The following CYP1B1 variants were observed in gnomAD, a reference collection of about 807,000 sequenced individuals.
CYP1B1 encodes the protein cytochrome P450 family 1 subfamily B member 1.
A neutral mutation model predicts 29.9 loss-of-function variants in CYP1B1; 22 were observed. The observed-to-expected ratio is 0.74, with a 90% CI of 0.53 to 1.05. CYP1B1 has a LOEUF of 1.05. Among genes scored for constraint, CYP1B1 ranks in the 50% least tolerant of loss-of-function variants. CYP1B1 has a pLI of 0.00. For synonymous variants in CYP1B1, 375 were observed against 320.0 expected (o/e 1.17, Z -1.83); for missense variants, 883 against 746.9 (o/e 1.18, Z -2.12).
Position 38,071,105 on chromosome 2 carries a change from C to T in CYP1B1, c.1249G>A (p.Asp417Asn). ...CACTGGTTGACAAAAACCACAGTGTCCTTGGGAATGTGGTAGCCCAAGACA... is the reference window on the plus strand; with the variant it reads ...CACTGGTTGACAAAAACCACAGTGTTCTTGGGAATGTGGTAGCCCAAGACA... ...TSVLGYHIPK[D>N]TVVFVNQWSV... is the part of the protein sequence containing the mutation. The change falls in exon 3 of 3, where the codon GAC (aspartate) becomes AAC (asparagine). Residue 417 changes from aspartate to asparagine, a missense_variant. Asp to Asn is a conservative substitution (Grantham distance 23). Coordinates refer to ENST00000610745, the MANE Select transcript of CYP1B1 (RefSeq NM_000104.4). The T allele has an allele frequency of 6.2e-7, 1 of 1,613,190 alleles. No individual in the cohort carries two copies. Among genetic ancestry groups the T allele is most frequent in the Non-Finnish European group, 8.5e-7 (1 of 1,179,180 alleles).
In CYP1B1 at chr2:38,069,779, A is replaced by G. The variant is rs1682390613; in HGVS notation, c.*943T>C. ...CATATATTATTCAACCTTTTCCTGA[A>G]CAAGATAATACTAATATACTGCTTA... On this transcript the variant is annotated 3_prime_UTR_variant, in exon 3 of 3. Transcript: ENST00000610745. The G allele has an allele frequency of 5.1e-6, 1 of 196,866 alleles. No individual in the cohort carries two copies. The highest frequency in any genetic ancestry group is 2.3e-5 in the African/African-American group (1 of 43,494). The allele number at this position is 196,866 out of a possible 1,614,324, so 12.2% of individuals were successfully genotyped here. A position where few individuals can be genotyped will look rare whatever the true frequency, so the allele number is the denominator to read the frequency against.
chr2:38,071,801 T>C (rs889729350), intron 2 of CYP1B1, among the ~76,000 whole-genome samples: 11 of 152,200 alleles, frequency 7.2e-5, no homozygotes, highest in African/African-American at 2.4e-4. Flanking sequence ...TCATGAAATT[T>C]AATTTTTAAT....
chr2:38,075,218 C>G lies in CYP1B1; in HGVS notation c.171G>C (p.Trp57Cys), dbSNP rs72549387. ...LRSAPPGPFA[W>C]PLIGNAAAVG... is the part of the protein sequence containing the mutation. ...CCGCCGCCGCGTTTCCGATCAGTGGCCACGCAAACGGGCCCGGGGGCGCGG... is the reference window on the plus strand; with the variant it reads ...CCGCCGCCGCGTTTCCGATCAGTGGGCACGCAAACGGGCCCGGGGGCGCGG... The change falls in exon 2 of 3, where the codon TGG becomes TGC. Residue 57 changes from tryptophan to cysteine, a missense_variant. By Grantham distance (215) the Trp-to-Cys change is radical (BLOSUM62 -2). Coordinates refer to ENST00000610745, the MANE Select transcript of CYP1B1 (RefSeq NM_000104.4). 1 of 1,582,722 alleles carries G rather than the reference C, an allele frequency of 6.3e-7. No individual in the cohort carries two copies. The highest frequency in any genetic ancestry group is 1.3e-5 in the African/African-American group (1 of 74,690).
Position 38,074,931 on chromosome 2 carries a change from C to A in CYP1B1, c.458G>T (p.Arg153Leu). The stretch of plus-strand genomic sequence containing the variant: ...GCGCGGCTGGCGCGTGAAGAAGTTG[C>A]GCATCATGCTGTGGGCTGCGCGCCG... ...VQRRAAHSMM[R>L]NFFTRQPRSR... Residue 153 changes from arginine to leucine, a missense_variant, in exon 2 of 3, where the codon CGC (arginine) becomes CTC (leucine). Transcript: ENST00000610745. 1 of 1,563,034 alleles carries A rather than the reference C, an allele frequency of 6.4e-7. No homozygotes were observed. The highest frequency in any genetic ancestry group is 8.6e-7 in the Non-Finnish European group (1 of 1,160,890).
intron 2 of CYP1B1, among the ~76,000 whole-genome samples, chr2:38,073,105 T>G (rs1008219455): frequency 6.6e-6 from 1 of 152,228 alleles, no homozygotes; most frequent in African/African-American, 2.4e-5. Context: ...TGGTTGACTT[T>G]TCTTTATTCG....
At chr2:38,073,466 G>T (rs534822593) in intron 2 of CYP1B1, 1 of 152,180 alleles carries the variant, frequency 6.6e-6, no homozygotes, top group African/African-American at 2.4e-5. Flanking sequence ...ATGGATTTCA[G>T]ATCAACAAGG....
At position 38,068,127 on chromosome 2, in the gene CYP1B1, G is replaced by A. The variant is rs1682347677; in HGVS notation, c.*2595C>T. 4.8e-6 allele frequency: 1 copy of A among 206,754 alleles called. No homozygotes were observed. The highest frequency in any genetic ancestry group is 2.3e-5 in the African/African-American group (1 of 43,834). 12.8% of individuals were successfully genotyped at this position (206,754 alleles called of 1,614,324 possible). Reference sequence around the variant, plus strand: ...CATTTAATAAACATTATACTTTATTGCAATAACCTGGAGTAAAACTTCTGA... The same window carrying A: ...CATTTAATAAACATTATACTTTATTACAATAACCTGGAGTAAAACTTCTGA... On this transcript the variant is annotated 3_prime_UTR_variant, in exon 3 of 3. Coordinates refer to ENST00000610745, the MANE Select transcript of CYP1B1 (RefSeq NM_000104.4).
Position 38,071,238 on chromosome 2 carries a change from C to T in CYP1B1, c.1116G>A (p.Met372Ile), listed in dbSNP as rs1212636220. The change falls in exon 3 of 3, where the codon ATG becomes ATA. Residue 372 changes from methionine (M) to isoleucine (I), a missense_variant. Transcript: ENST00000610745. ...CATAGGGCAGGTTGGGCTGGTCACC[C>T]ATACAAGGCAGACGGTCCCTCCCCA... is the stretch of plus-strand genomic sequence containing the variant. ...QVVGRDRLPCMGDQPNLPYVL... is the reference protein window; with the variant it reads ...QVVGRDRLPCIGDQPNLPYVL... The T allele has an allele frequency of 6.8e-6, 11 of 1,613,146 alleles. No individual in the cohort carries two copies. The highest frequency in any genetic ancestry group is 9.3e-6 in the Non-Finnish European group (11 of 1,180,034).
chr2:38,074,082 T>G, intron 2 of CYP1B1: 1 of 574,818 alleles, frequency 1.7e-6, no homozygotes, highest in South Asian at 2.2e-5. Flanking sequence ...TCTTTGCAAA[T>G]GTGTTCTCAC....
At position 38,074,985 on chromosome 2, in the gene CYP1B1, C is replaced by A; in HGVS notation, c.404G>T (p.Gly135Val). 6 of 1,587,836 alleles carry A rather than the reference C, an allele frequency of 3.8e-6. No individual in the cohort carries two copies. Among genetic ancestry groups the A allele is most frequent in the Non-Finnish European group, 5.1e-6 (6 of 1,175,020 alleles). ...CACCTTCCAGTGCTCCGAGTAGTGG[C>A]CGAAAGCCATGCTGCGGCCGCCGGA... Reference protein sequence around the residue: ...VVSGGRSMAFGHYSEHWKVQR... With the variant: ...VVSGGRSMAFVHYSEHWKVQR... The change falls in exon 2 of 3, where the codon GGC becomes GTC. Residue 135 changes from glycine (G) to valine (V), a missense_variant. Physicochemically the swap from Gly to Val is moderately radical, Grantham distance 109. Coordinates refer to ENST00000610745, the MANE Select transcript of CYP1B1 (RefSeq NM_000104.4).
At position 38,070,987 on chromosome 2, in the gene CYP1B1, A is replaced by T. The variant is rs1358698724; in HGVS notation, c.1367T>A (p.Leu456Gln). Residue 456 changes from leucine (L) to glutamine (Q), a missense_variant, in exon 3 of 3, where the codon CTG becomes CAG. Coordinates refer to ENST00000610745, the MANE Select transcript of CYP1B1 (RefSeq NM_000104.4). ...LDKDGLINKD[L>Q]TSRVMIFSVG... ...TGAAAAAATCATCACTCTGCTGGTC[A>T]GGTCCTTGTTGATGAGGCCATCCTT... The T allele has an allele frequency of 6.2e-7, 1 of 1,614,052 alleles. No homozygotes were observed. Among genetic ancestry groups the T allele is most frequent in the Admixed American group, 1.7e-5 (1 of 59,992 alleles).
In CYP1B1 at chr2:38,075,072, G is replaced by T. The variant is rs779730090; in HGVS notation, c.317C>A (p.Ala106Asp). 17 of 1,583,566 alleles carry T rather than the reference G, an allele frequency of 1.1e-5. No homozygotes were observed. The highest frequency in any genetic ancestry group is 1.7e-5 in the Admixed American group (1 of 58,242). ...VLNGERAIHQ[A>D]LVQQGSAFAD... ...GAAGGCCGAGCCCTGCTGCACCAGGGCCTGGTGGATGGCGCGCTCGCCATT... is the reference window on the plus strand; with the variant it reads ...GAAGGCCGAGCCCTGCTGCACCAGGTCCTGGTGGATGGCGCGCTCGCCATT... Residue 106 changes from alanine (A) to aspartate (D), a missense_variant, in exon 2 of 3, where the codon GCC becomes GAC. Physicochemically the swap from Ala to Asp is moderately radical, Grantham distance 126. Coordinates refer to ENST00000610745, the MANE Select transcript of CYP1B1 (RefSeq NM_000104.4).
At chr2:38,072,256 T>C (rs1285061001) in intron 2 of CYP1B1, among the ~76,000 whole-genome samples, 1 of 152,156 alleles carries the variant, frequency 6.6e-6, no homozygotes, top group African/African-American at 2.4e-5. Flanking sequence ...GGCATGGTGG[T>C]ACACGCCTGT....
chr2:38,076,096 G>A lies in CYP1B1; in HGVS notation c.-318C>T, dbSNP rs1293594685. On this transcript the variant is annotated 5_prime_UTR_variant, in exon 1 of 3. Coordinates refer to ENST00000610745, the MANE Select transcript of CYP1B1 (RefSeq NM_000104.4). ...GAGTGGCGTCAATTCCCATGCCCTT[G>A]CGGCTCTCACAACTGGAGTCGCAGA... 1.3e-5 allele frequency: 2 copies of A among 153,090 alleles called. No individual in the cohort carries two copies. 9.5% of individuals were successfully genotyped at this position (153,090 alleles called of 1,614,324 possible).
intron 2 of CYP1B1, among the ~76,000 whole-genome samples, chr2:38,071,627 T>C (rs9341256): frequency 1.9e-3 from 293 of 152,298 alleles, no homozygotes; most frequent in Middle Eastern, 0.01. Flanking sequence ...GACTTTTCCA[T>C]TGGGTACCGC....
chr2:38,070,724 A>T lies in CYP1B1; in HGVS notation c.1630T>A (p.Ter544LysextTer9), dbSNP rs368552668. The part of the protein sequence containing the change: ...QNLQAKETCQ[*>K] ...AATTTCAGCTTGCCTCTTGCTTCTT[A>T]TTGGCAAGTTTCCTTGGCTTGTAAA... Residue 544 changes from the stop codon to lysine, a stop_lost, in exon 3 of 3, where the codon TAA becomes AAA. Transcript: ENST00000610745. 1.4e-5 allele frequency: 22 copies of T among 1,613,870 alleles called. No individual in the cohort carries two copies. Among genetic ancestry groups the T allele is most frequent in the Non-Finnish European group, 1.7e-5 (20 of 1,179,838 alleles).
At chr2:38,073,980 T>A (rs1682477404) in intron 2 of CYP1B1, 2 of 352,700 alleles carry the variant, frequency 5.7e-6, no homozygotes, top group Non-Finnish European at 5.3e-6. Flanking sequence ...TTCGGAACTA[T>A]TCCAGTTCTG....
rs548586507 is a variant in CYP1B1 at position 38,067,729 on chromosome 2, T to C, written c.*2993A>G. On this transcript the variant is annotated 3_prime_UTR_variant, in exon 3 of 3. Transcript: ENST00000610745. ...ACATATAAATGTTGTTTCCCCAGAATGTACTTTGTCTACAACTATGCACTG... is the reference window on the plus strand; with the variant it reads ...ACATATAAATGTTGTTTCCCCAGAACGTACTTTGTCTACAACTATGCACTG... 58 of 182,634 alleles carry C rather than the reference T, an allele frequency of 3.2e-4. No homozygotes were observed. The highest frequency in any genetic ancestry group is 6.3e-4 in the East Asian group (7 of 11,192). The allele number at this position is 182,634 out of a possible 1,614,324, so 11.3% of individuals were successfully genotyped here. A position where few individuals can be genotyped will look rare whatever the true frequency, so the allele number is the denominator to read the frequency against.
At chr2:38,074,267 G>T in intron 2 of CYP1B1, 79 bp downstream of exon 2, 1 of 1,497,232 alleles carries the variant, frequency 6.7e-7, no homozygotes, top group Non-Finnish European at 9.1e-7. Context: ...GGCCCTGCTT[G>T]CAAACTCAGC....
Sources: gnomAD v4.1 joint callset for allele counts (sites outside exome capture counted in the v4.1 genomes callset) on GRCh38, gnomAD v4.1.1 for gene constraint, MANE v1.5 for transcripts, NCBI Gene and HGNC (gene_info 2026-07-23, HGNC 2026-07-21) for gene names.